Variants in LCT observed in about 807,000 individuals in gnomAD.
LCT encodes the protein lactase/phlorizin hydrolase.
A neutral mutation model predicts 173.0 loss-of-function variants in LCT; 90 were observed. The ratio of observed to expected loss-of-function variants is 0.52; its 90% CI spans 0.44 to 0.62. The LOEUF (loss-of-function observed/expected upper bound fraction) is 0.62, where lower values mean the gene tolerates loss of function less well. Among genes scored for constraint, LCT ranks in the 20% least tolerant of loss-of-function variants. The pLI, the probability that LCT is intolerant of heterozygous loss-of-function variation, is 0.00. For missense variants in LCT, 1,864 were observed against 2,431.4 expected, an observed-to-expected ratio of 0.77 and a Z score of 4.91; for synonymous variants, 853 against 957.6, an observed-to-expected ratio of 0.89 and a Z score of 2.02.
chr2:135,808,265 C>A (rs552048076), intron 8 of LCT, among the ~76,000 whole-genome samples, 178 bp downstream of exon 8: 8 of 152,208 alleles, frequency 5.3e-5, no homozygotes, highest in African/African-American at 1.9e-4. Context: ...CAACCATAGC[C>A]TTTTTTCCCC....
chr2:135,804,868 G>A lies in LCT; in HGVS notation c.4363C>T (p.Arg1455Cys), dbSNP rs763006562. Residue 1455 changes from arginine to cysteine, a missense_variant, in exon 10 of 17, where the codon CGC becomes TGC. Physicochemically the swap from Arg to Cys is radical, Grantham distance 180. This residue lies in a region of LCT where 514 missense variants were observed against 750.1 expected (regional missense o/e 0.69). Coordinates refer to ENST00000264162, the MANE Select transcript of LCT (RefSeq NM_002299.4). ...SHYRFSISWS[R>C]ILPDGTTRYI... ...CTGGTGGTTCCATCAGGGAGGATGC[G>A]AGACCAGGAGATGGAAAAACGGTAG... 1 of 1,614,108 alleles carries A rather than the reference G, an allele frequency of 6.2e-7. No homozygotes were observed. The highest frequency in any genetic ancestry group is 1.1e-5 in the South Asian group (1 of 91,074).
Position 135,836,988 on chromosome 2 carries a change from A to G in LCT, c.182T>C (p.Met61Thr), listed in dbSNP as rs146572522. The G allele has an allele frequency of 7.4e-6, 12 of 1,613,662 alleles. No individual in the cohort carries two copies. Among genetic ancestry groups the G allele is most frequent in the African/African-American group, 4.0e-5 (3 of 74,892 alleles). The change falls in exon 1 of 17, where the codon ATG (methionine) becomes ACG (threonine). Residue 61 changes from methionine to threonine, a missense_variant. Physicochemically the swap from Met to Thr is moderately conservative, Grantham distance 81. Transcript: ENST00000264162. The stretch of plus-strand genomic sequence containing the variant: ...GGGCAGTGGCTGGTGACAAACATAC[A>G]TGTCTTTGTCCCCTGCTACAAAGTT... ...SSNFVAGDKD[M>T]YVCHQPLPTF...
In LCT at chr2:135,808,434, C is replaced by T. The variant is rs1285177609; in HGVS notation, c.3904+9G>A. On this transcript the variant is annotated intron_variant, in intron 8 of 16. Transcript: ENST00000264162. The stretch of plus-strand genomic sequence containing the variant: ...AGATTTCTTTAAGGGGAACTGAACC[C>T]TCACACACCTTTCAAAGCCTCATTG... 4 of 1,603,764 alleles carry T rather than the reference C, an allele frequency of 2.5e-6. No homozygotes were observed. The highest frequency in any genetic ancestry group is 3.4e-6 in the Non-Finnish European group (4 of 1,170,562).
intron 5 of LCT, chr2:135,821,754 T>G: frequency 2.1e-6 from 1 of 466,442 alleles, no homozygotes; most frequent in Non-Finnish European, 3.9e-6. Context: ...CCTACCAGAG[T>G]GCTGGGATTA....
chr2:135,810,190 G>A, intron 7 of LCT, 197 bp from the exon 8 acceptor site: 1 of 574,726 alleles, frequency 1.7e-6, no homozygotes, highest in Non-Finnish European at 3.1e-6. Flanking sequence ...CAGTGCAGTA[G>A]TGAGAAGGGG....
rs536016228 is a variant in LCT at position 135,821,117 on chromosome 2, G to A, written c.986+903C>T. Among the ~76,000 whole-genome samples the A allele has an allele frequency of 2.5e-4, 38 of 152,226 alleles. No individual in the cohort carries two copies. The East Asian group carries it at 5.8e-3, about 23-fold the overall frequency. ...AGGATGGTCTCGATCTCCTGACCTC[G>A]TGATCCACCCGCCTCAGCCTCCCAA... On this transcript the variant is annotated intron_variant, in intron 5 of 16. Transcript: ENST00000264162.
intron 5 of LCT, among the ~76,000 whole-genome samples, chr2:135,821,436 TG>T (rs967073101): frequency 6.6e-5 from 10 of 152,242 alleles, no homozygotes; most frequent in African/African-American, 2.4e-4. Context: ...TTCAGTGGGA[TG>T]GTCAGATCTA....
chr2:135,829,646 A>G lies in LCT; in HGVS notation c.751T>C (p.Ser251Pro), dbSNP rs1337120701. The change falls in exon 3 of 17, where the codon TCT (serine) becomes CCT (proline). Residue 251 changes from serine (S) to proline (P), a missense_variant. Ser to Pro is a moderately conservative substitution (Grantham distance 74, BLOSUM62 -1). This residue lies in a region of LCT where 412 missense variants were observed against 462.0 expected (regional missense o/e 0.89). Coordinates refer to ENST00000264162, the MANE Select transcript of LCT (RefSeq NM_002299.4). ...CTTGCCTCATTTTGGCATTCATAAG[A>G]CAAATCAAGAGAGAGGAAATCGACC... ...DTVDFLSLDL[S>P]YECQNEASLR... is the part of the protein sequence containing the mutation. The G allele has an allele frequency of 3.1e-6, 5 of 1,613,904 alleles. No individual in the cohort carries two copies. The highest frequency in any genetic ancestry group is 4.2e-6 in the Non-Finnish European group (5 of 1,179,750).
chr2:135,792,859 G>A (rs182331218), intron 14 of LCT, among the ~76,000 whole-genome samples: 112 of 152,158 alleles, frequency 7.4e-4, no homozygotes, highest in Middle Eastern at 3.4e-3. Context: ...CTATGGCCCC[G>A]CCCATAACCT....
At position 135,790,886 on chromosome 2, in the gene LCT, A is replaced by G. The variant is rs748440234; in HGVS notation, c.5112-5T>C. 2 of 1,609,842 alleles carry G rather than the reference A, an allele frequency of 1.2e-6. No homozygotes were observed. The highest frequency in any genetic ancestry group is 1.7e-6 in the Non-Finnish European group (2 of 1,176,084). On this transcript the variant is annotated splice_polypyrimidine_tract_variant and splice_region_variant and intron_variant, in intron 14 of 16. Transcript: ENST00000264162. The surrounding 1 kb of genome is among the most constrained non-coding windows in gnomAD (Gnocchi z 4.1). ...TCTGCGATGGAAGCAACTCCTCTAC[A>G]AGTTCAAAAACTAAAGATGAGGTCT...
chr2:135,796,699 C>T (rs986035532), intron 13 of LCT, among the ~76,000 whole-genome samples: 1 of 152,192 alleles, frequency 6.6e-6, no homozygotes, highest in African/African-American at 2.4e-5. Flanking sequence ...GGATGGAGAA[C>T]TGTCTTTCCA....
rs557523110 is a variant in LCT, at chr2:135,826,814, C to T, written c.804+2779G>A. On this transcript the variant is annotated intron_variant, in intron 3 of 16. Coordinates refer to ENST00000264162, the MANE Select transcript of LCT (RefSeq NM_002299.4). ...AGACCTCGAAGACCCTAGAGTGTTA[C>T]GTAAGGCCCAGAAACCTTGTCAGCC... Among the ~76,000 whole-genome samples, 191 of 152,244 alleles carry T rather than the reference C, an allele frequency of 1.3e-3. 2 individuals are homozygous for T. Among genetic ancestry groups the T allele is most frequent in the African/African-American group, 4.3e-3 (180 of 41,552 alleles).
At position 135,837,108 on chromosome 2, in the gene LCT, T is replaced by TCTGACCCCCAGC; in HGVS notation, c.50_61dup (p.Ser20_Asp21insGlyTrpGlySer). The stretch of plus-strand genomic sequence containing the variant: ...AATGAAATTTCTATCAGACTCCCAG[T>TCTGACCCCCAGC]CTGACCCCCAGCATGAAAAACTTAG... On this transcript the variant is annotated inframe_insertion, in exon 1 of 17. Transcript: ENST00000264162. 1 of 1,613,990 alleles carries TCTGACCCCCAGC rather than the reference T, an allele frequency of 6.2e-7. No homozygotes were observed. The highest frequency in any genetic ancestry group is 8.5e-7 in the Non-Finnish European group (1 of 1,179,960).
chr2:135,836,380 CA>C, intron 1 of LCT, 149 bp downstream of exon 1: 1 of 780,284 alleles, frequency 1.3e-6, no homozygotes, highest in Admixed American at 1.9e-5. Context: ...AGTGGGAAAT[CA>C]ATTTACAATA....
intron 1 of LCT, among the ~76,000 whole-genome samples, chr2:135,835,204 G>A (rs1272078972): frequency 2.0e-5 from 3 of 151,908 alleles, no homozygotes; most frequent in African/African-American, 7.3e-5. Context: ...TTTATACAAT[G>A]GGAACCTAAA....
chr2:135,814,105 G>A (rs771027233), intron 6 of LCT, among the ~76,000 whole-genome samples: 15 of 152,206 alleles, frequency 9.9e-5, no homozygotes, highest in Non-Finnish European at 2.2e-4. Flanking sequence ...CAGAGAGCAG[G>A]AGTGAGCTTG....
intron 7 of LCT, 23 bp downstream of exon 7, chr2:135,812,288 A>G (rs201819729): frequency 3.6e-5 from 58 of 1,600,100 alleles, no homozygotes; most frequent in African/African-American, 1.6e-4. Context: ...CCTTCCAATC[A>G]CTGGCACATC....
intron 9 of LCT, among the ~76,000 whole-genome samples, chr2:135,806,280 T>C (rs568891952): frequency 1.3e-5 from 2 of 152,316 alleles, no homozygotes; most frequent in Admixed American, 1.3e-4. Context: ...CCTGGACCAA[T>C]GTGCTTGTTT....
intron 12 of LCT, among the ~76,000 whole-genome samples, chr2:135,799,646 C>T (rs2077609329): frequency 6.6e-6 from 1 of 152,138 alleles, no homozygotes; most frequent in Admixed American, 6.5e-5. Context: ...GATGGGGTCT[C>T]ACCATGTTGG....
Sources: gnomAD v4.1 joint callset for allele counts (sites outside exome capture counted in the v4.1 genomes callset) on GRCh38, gnomAD v4.1.1 for gene constraint, gnomAD v4.1.1 regional missense constraint, Gnocchi (gnomAD v3.1) non-coding constraint, MANE v1.5 for transcripts, NCBI Gene and HGNC (gene_info 2026-07-23, HGNC 2026-07-21) for gene names.